ATP4A: variants seen among roughly 807,000 people sequenced by gnomAD.
ATP4A encodes the protein potassium-transporting ATPase alpha chain 1.
A neutral mutation model predicts 112.1 loss-of-function variants in ATP4A; 73 were observed. The observed-to-expected ratio is 0.65, with a 90% CI of 0.54 to 0.79. The LOEUF (loss-of-function observed/expected upper bound fraction) is 0.79, where lower values mean the gene tolerates loss of function less well. Ranked by LOEUF, ATP4A falls within the 30% of genes least tolerant of loss-of-function variation. The pLI is 0.00. For synonymous variants in ATP4A, 588 were observed against 588.9 expected, an observed-to-expected ratio of 1.00 and a Z score of 0.02; for missense variants, 1,081 against 1,425.9, an observed-to-expected ratio of 0.76 and a Z score of 3.90.
chr19:35,550,503 G>C lies in ATP4A; in HGVS notation c.*112C>G. ...GTGGGCTACAGAAGCAGATACTGGTGGGGCTGGGACTCTTGGTTGCTCAGA... is the reference window on the plus strand; with the variant it reads ...GTGGGCTACAGAAGCAGATACTGGTCGGGCTGGGACTCTTGGTTGCTCAGA... On this transcript the variant is annotated 3_prime_UTR_variant, in exon 22 of 22. Coordinates refer to ENST00000262623, the MANE Select transcript of ATP4A (RefSeq NM_000704.3). The surrounding 1 kb of genome is among the most constrained non-coding windows in gnomAD (Gnocchi z 4.1). The C allele has an allele frequency of 7.1e-7, 1 of 1,406,862 alleles. No individual in the cohort carries two copies. The highest frequency in any genetic ancestry group is 9.9e-7 in the Non-Finnish European group (1 of 1,011,582). The allele number at this position is 1,406,862 out of a possible 1,614,324, so 87.1% of individuals were successfully genotyped here.
intron 17 of ATP4A, among the ~76,000 whole-genome samples, 189 bp from the exon 18 acceptor site, chr19:35,553,371 C>T (rs193241809): frequency 9.4e-4 from 143 of 152,010 alleles, no homozygotes; most frequent in Admixed American, 2.1e-3. Flanking sequence ...GACACAGAAA[C>T]AGTGACAGAG....
In ATP4A at chr19:35,555,663, T is replaced by G; in HGVS notation, c.2006+13A>C. On this transcript the variant is annotated intron_variant, in intron 13 of 21. Transcript: ENST00000262623. The surrounding 1 kb of genome is among the most constrained non-coding windows in gnomAD (Gnocchi z 6.6). ...ATGTGGGGAGAACCCCGGGGAGGTCTGGGGGGGCTTACTTGCGATTAACCT... is the reference window on the plus strand; with the variant it reads ...ATGTGGGGAGAACCCCGGGGAGGTCGGGGGGGGCTTACTTGCGATTAACCT... The G allele has an allele frequency of 1.9e-6, 3 of 1,595,100 alleles. No homozygotes were observed. The highest frequency in any genetic ancestry group is 2.6e-6 in the Non-Finnish European group (3 of 1,164,954).
At chr19:35,554,692 C>T (rs2071620202) in intron 16 of ATP4A, among the ~76,000 whole-genome samples, 1 of 151,432 alleles carries the variant, frequency 6.6e-6, no homozygotes. Flanking sequence ...GTGCATGGGT[C>T]GGCCCGGGCC....
At position 35,559,309 on chromosome 19, in the gene ATP4A, T is replaced by A; in HGVS notation, c.1057-118A>T. The A allele has an allele frequency of 9.5e-7, 1 of 1,053,724 alleles. No homozygotes were observed. Among genetic ancestry groups the A allele is most frequent in the Non-Finnish European group, 1.4e-6 (1 of 711,492 alleles). The allele number at this position is 1,053,724 out of a possible 1,614,324, so 65.3% of individuals were successfully genotyped here. A position where few individuals can be genotyped will look rare whatever the true frequency, so the allele number is the denominator to read the frequency against. On this transcript the variant is annotated intron_variant, in intron 7 of 21. Coordinates refer to ENST00000262623, the MANE Select transcript of ATP4A (RefSeq NM_000704.3). This position sits in a 1 kb window ranked among gnomAD's most constrained non-coding sequence, Gnocchi z 4.1. ...CGCGGGGCTGCGTGTGCAACGTGCT[T>A]CTGCAAACACCAGGTGTTTTCTTGG...
chr19:35,550,359 AC>A lies in ATP4A; in HGVS notation c.*255del. On this transcript the variant is annotated 3_prime_UTR_variant, in exon 22 of 22. Coordinates refer to ENST00000262623, the MANE Select transcript of ATP4A (RefSeq NM_000704.3). This position sits in a 1 kb window ranked among gnomAD's most constrained non-coding sequence, Gnocchi z 4.1. The stretch of plus-strand genomic sequence containing the variant: ...TCCCTGTCAGAGCCCCACCGCCACC[AC>A]AGGTGGCGGCTTTCCCGAGGCCAGC... 1.8e-6 allele frequency: 1 copy of A among 549,940 alleles called. No individual in the cohort carries two copies. 34.1% of individuals were successfully genotyped at this position (549,940 alleles called of 1,614,324 possible). A position where few individuals can be genotyped will look rare whatever the true frequency, so the allele number is the denominator to read the frequency against.
Position 35,557,590 on chromosome 19 carries a change from G to A in ATP4A, c.1693+65C>T. ...GACGGTCAGGGCTGGGCCGGGAGTGGTGGGCAGGGTCTGTGCTAGCTCCTC... is the reference window on the plus strand; with the variant it reads ...GACGGTCAGGGCTGGGCCGGGAGTGATGGGCAGGGTCTGTGCTAGCTCCTC... On this transcript the variant is annotated intron_variant, in intron 11 of 21. Transcript: ENST00000262623. This position sits in a 1 kb window ranked among gnomAD's most constrained non-coding sequence, Gnocchi z 4.4. 1.3e-6 allele frequency: 2 copies of A among 1,504,592 alleles called. No homozygotes were observed. 93.2% of individuals were successfully genotyped at this position (1,504,592 alleles called of 1,614,324 possible).
Position 35,558,416 on chromosome 19 carries a change from C to T in ATP4A, c.1446G>A (p.Arg482=). ...TCTCGCAGACTTTTGGGAAGCGGTC[C>T]CGGTAGCCCATGGCGTTGCCCAGCG... is the stretch of plus-strand genomic sequence containing the variant. ...ELTLGNAMGY[R]DRFPKVCEIP... The change falls in exon 10 of 22, where the codon CGG becomes CGA. Residue 482 remains arginine (R), a synonymous_variant. Transcript: ENST00000262623. The surrounding 1 kb of genome is among the most constrained non-coding windows in gnomAD (Gnocchi z 5.1). The T allele has an allele frequency of 6.2e-7, 1 of 1,610,500 alleles. No individual in the cohort carries two copies. The highest frequency in any genetic ancestry group is 1.1e-5 in the South Asian group (1 of 90,324).
Position 35,557,914 on chromosome 19 carries a change from G to A in ATP4A, c.1501-67C>T, listed in dbSNP as rs1430516494. Reference sequence around the variant, plus strand: ...GGGGCGGGGCTGTGGACGAGGGAACGGGGCGGGGCTGAGGAGAGGGGCGGG... The same window carrying A: ...GGGGCGGGGCTGTGGACGAGGGAACAGGGCGGGGCTGAGGAGAGGGGCGGG... On this transcript the variant is annotated intron_variant, in intron 10 of 21. Transcript: ENST00000262623. The surrounding 1 kb of genome is among the most constrained non-coding windows in gnomAD (Gnocchi z 4.4). 9 of 1,087,354 alleles carry A rather than the reference G, an allele frequency of 8.3e-6. No homozygotes were observed. Among genetic ancestry groups the A allele is most frequent in the Non-Finnish European group, 1.0e-5 (8 of 799,530 alleles). The allele number at this position is 1,087,354 out of a possible 1,614,324, so 67.4% of individuals were successfully genotyped here.
At position 35,559,917 on chromosome 19, in the gene ATP4A, G is replaced by A; in HGVS notation, c.944C>T (p.Ala315Val). The A allele has an allele frequency of 6.2e-7, 1 of 1,614,214 alleles. No individual in the cohort carries two copies. Among genetic ancestry groups the A allele is most frequent in the East Asian group, 2.2e-5 (1 of 44,882 alleles). The change falls in exon 7 of 22, where the codon GCC (alanine) becomes GTC (valine). Residue 315 changes from alanine to valine, a missense_variant. Around this residue, in one of 3 missense-constraint regions of ATP4A, gnomAD observed 850 missense variants for 1,068.2 expected, o/e 0.80. Coordinates refer to ENST00000262623, the MANE Select transcript of ATP4A (RefSeq NM_000704.3). This position sits in a 1 kb window ranked among gnomAD's most constrained non-coding sequence, Gnocchi z 4.1. ...GCACATGGCCACAATAAAAAATGTG[G>A]CACCGAAGAGAATGGCCAGGCCCGC... ...IIAGLAILFG[A>V]TFFIVAMCIG...
At chr19:35,556,088 A>T (rs2071630099) in intron 12 of ATP4A, among the ~76,000 whole-genome samples, 1 of 152,152 alleles carries the variant, frequency 6.6e-6, no homozygotes, top group Non-Finnish European at 1.5e-5. Flanking sequence ...ACTCGATTTT[A>T]AGTGTACCCA....
At chr19:35,556,763 A>C in intron 12 of ATP4A, 150 bp downstream of exon 12, 1 of 923,764 alleles carries the variant, frequency 1.1e-6, no homozygotes, top group Non-Finnish European at 1.6e-6. Flanking sequence ...GCTAGACCTG[A>C]AGCTTAATTC....
At position 35,553,688 on chromosome 19, in the gene ATP4A, C is replaced by T. The variant is rs755863104; in HGVS notation, c.2605+18G>A. On this transcript the variant is annotated intron_variant, in intron 17 of 21. Transcript: ENST00000262623. ...CAGAGCCCCCCACCTCCAGGCTCCC[C>T]GGCCCACGGGCACCCACCAATCTGG... 21 of 1,611,620 alleles carry T rather than the reference C, an allele frequency of 1.3e-5. No homozygotes were observed. The highest frequency in any genetic ancestry group is 8.0e-5 in the African/African-American group (6 of 74,892).
chr19:35,557,206 G>T lies in ATP4A; in HGVS notation c.1694-118C>A. ...CAAACACCTATGGATGCCTGACCTT[G>T]TGCTGACCCCTTCACTCACATTATC... is the stretch of plus-strand genomic sequence containing the variant. On this transcript the variant is annotated intron_variant, in intron 11 of 21. Coordinates refer to ENST00000262623, the MANE Select transcript of ATP4A (RefSeq NM_000704.3). The surrounding 1 kb of genome is among the most constrained non-coding windows in gnomAD (Gnocchi z 4.4). The T allele has an allele frequency of 1.7e-6, 2 of 1,146,758 alleles. No homozygotes were observed. The highest frequency in any genetic ancestry group is 1.4e-5 in the South Asian group (1 of 72,152). The allele number at this position is 1,146,758 out of a possible 1,614,324, so 71.0% of individuals were successfully genotyped here.
intron 18 of ATP4A, 113 bp downstream of exon 18, chr19:35,552,924 G>C (rs2071609534): frequency 7.3e-7 from 1 of 1,373,104 alleles, no homozygotes; most frequent in African/African-American, 1.5e-5. Flanking sequence ...TGGGGGTCCG[G>C]GATGCTCTGG....
chr19:35,556,775 C>G lies in ATP4A; in HGVS notation c.1869+138G>C, dbSNP rs945034583. Reference sequence around the variant, plus strand: ...CTGGCTAGACCTGAAGCTTAATTCCCCAGAATTTTTCAGTATCATAAACCA... The same window carrying G: ...CTGGCTAGACCTGAAGCTTAATTCCGCAGAATTTTTCAGTATCATAAACCA... On this transcript the variant is annotated intron_variant, in intron 12 of 21. Transcript: ENST00000262623. The G allele has an allele frequency of 3.2e-5, 34 of 1,055,716 alleles. 1 individual carries two copies. In the South Asian group the frequency reaches 5.5e-4, roughly 17 times the overall value. 65.4% of individuals were successfully genotyped at this position (1,055,716 alleles called of 1,614,324 possible). A position where few individuals can be genotyped will look rare whatever the true frequency, so the allele number is the denominator to read the frequency against.
At chr19:35,563,180 T>C (rs1391124902) in intron 3 of ATP4A, 29 bp downstream of exon 3, 1 of 1,497,562 alleles carries the variant, frequency 6.7e-7, no homozygotes, top group East Asian at 2.8e-5. Context: ...CCTCCTCCCC[T>C]TTCTGTACGC....
Position 35,559,696 on chromosome 19 carries a change from C to A in ATP4A, c.1056+109G>T. 1 of 1,469,296 alleles carries A rather than the reference C, an allele frequency of 6.8e-7. No individual in the cohort carries two copies. Among genetic ancestry groups the A allele is most frequent in the East Asian group, 2.4e-5 (1 of 41,182 alleles). The allele number at this position is 1,469,296 out of a possible 1,614,324, so 91.0% of individuals were successfully genotyped here. A position where few individuals can be genotyped will look rare whatever the true frequency, so the allele number is the denominator to read the frequency against. On this transcript the variant is annotated intron_variant, in intron 7 of 21. Coordinates refer to ENST00000262623, the MANE Select transcript of ATP4A (RefSeq NM_000704.3). This position sits in a 1 kb window ranked among gnomAD's most constrained non-coding sequence, Gnocchi z 4.1. Reference sequence around the variant, plus strand: ...GGGAAGGCAGGAGAATGGATGGGAGCTAAGTGGACAGATAGACAGGCAGGG... The same window carrying A: ...GGGAAGGCAGGAGAATGGATGGGAGATAAGTGGACAGATAGACAGGCAGGG...
Position 35,562,497 on chromosome 19 carries a change from C to T in ATP4A, c.358G>A (p.Ala120Thr), listed in dbSNP as rs770629738. Reference sequence around the variant, plus strand: ...ATGGCAAAGGCGATGAGGCAGATGGCGGCGGCAACCCACATGAGGCACTGC... The same window carrying T: ...ATGGCAAAGGCGATGAGGCAGATGGTGGCGGCAACCCACATGAGGCACTGC... The part of the protein sequence containing the change: ...GLQCLMWVAA[A>T]ICLIAFAIQA... Residue 120 changes from alanine (A) to threonine (T), a missense_variant, in exon 4 of 22, where the codon GCC becomes ACC. By Grantham distance (58) the Ala-to-Thr change is moderately conservative. Around this residue, in one of 3 missense-constraint regions of ATP4A, gnomAD observed 850 missense variants for 1,068.2 expected, o/e 0.80. Coordinates refer to ENST00000262623, the MANE Select transcript of ATP4A (RefSeq NM_000704.3). 20 of 1,613,992 alleles carry T rather than the reference C, an allele frequency of 1.2e-5. No individual in the cohort carries two copies. The highest frequency in any genetic ancestry group is 2.2e-5 in the South Asian group (2 of 91,076).
Position 35,559,174 on chromosome 19 carries a change from T to A in ATP4A, c.1074A>T (p.Thr358=). The A allele has an allele frequency of 1.2e-6, 2 of 1,614,084 alleles. No individual in the cohort carries two copies. The highest frequency in any genetic ancestry group is 3.3e-5 in the Admixed American group (2 of 60,030). ...AGTTCTTACTGGCCAGGCGCTTGGC[T>A]GTCAGGGACAGGCAGACCTGGGGAA... The part of the protein sequence containing the change: ...LATVTVCLSL[T]AKRLASKNCV... The change falls in exon 8 of 22, where the codon ACA becomes ACT. Residue 358 remains threonine, a synonymous_variant. Transcript: ENST00000262623. This position sits in a 1 kb window ranked among gnomAD's most constrained non-coding sequence, Gnocchi z 4.1.
Sources: gnomAD v4.1 joint callset for allele counts (sites outside exome capture counted in the v4.1 genomes callset) on GRCh38, gnomAD v4.1.1 for gene constraint, gnomAD v4.1.1 regional missense constraint, Gnocchi (gnomAD v3.1) non-coding constraint, MANE v1.5 for transcripts, NCBI Gene and HGNC (gene_info 2026-07-23, HGNC 2026-07-21) for gene names.